Variants in MSL2 observed in about 807,000 individuals in gnomAD.
The protein encoded by MSL2 is MSL complex subunit 2.
Under a neutral mutation model 35.8 loss-of-function variants are expected in MSL2, and 2 were observed. The ratio of observed to expected loss-of-function variants is 0.06; its 90% CI spans 0.02 to 0.18. The LOEUF (loss-of-function observed/expected upper bound fraction) is 0.18. Ranked by LOEUF, MSL2 falls within the 10% of genes least tolerant of loss-of-function variation. The pLI, the probability that MSL2 is intolerant of heterozygous loss-of-function variation, is 1.00. For missense variants in MSL2, 523 were observed against 706.7 expected (o/e 0.74, Z 2.95); for synonymous variants, 296 against 255.7 (o/e 1.16, Z -1.50).
chr3:136,180,732 G>GAA (rs1453721327), intron 1 of MSL2, among the ~76,000 whole-genome samples: 12 of 131,980 alleles, frequency 9.1e-5, no homozygotes, highest in East Asian at 7.6e-4. Flanking sequence ...GAAAAGAAAA[G>GAA]AAGAGGAGGA....
At chr3:136,172,989 C>T (rs1940069491) in intron 1 of MSL2, among the ~76,000 whole-genome samples, 3 of 152,064 alleles carry the variant, frequency 2.0e-5, no homozygotes, top group Admixed American at 1.3e-4. Context: ...CATGGCGAAA[C>T]CCTACCTCTA....
chr3:136,170,698 A>G (rs750028269), intron 1 of MSL2, among the ~76,000 whole-genome samples: 10 of 151,442 alleles, frequency 6.6e-5, no homozygotes, highest in Non-Finnish European at 1.3e-4. Context: ...TAGTAGAGAC[A>G]TTCACTATGT....
chr3:136,194,890 G>GC, intron 1 of MSL2, 82 bp downstream of exon 1: 1 of 1,583,846 alleles, frequency 6.3e-7, no homozygotes, highest in Non-Finnish European at 8.6e-7. Flanking sequence ...CAACCACCAG[G>GC]CCGTCAACCC....
intron 1 of MSL2, chr3:136,156,137 C>A: frequency 5.5e-6 from 1 of 181,218 alleles, no homozygotes; most frequent in Non-Finnish European, 1.2e-5. Context: ...GTAATTCTAC[C>A]AAGGTCTTCT....
Position 136,195,020 on chromosome 3 carries a change from T to C in MSL2, c.94A>G (p.Asn32Asp). Residue 32 changes from asparagine to aspartate, a missense_variant, in exon 1 of 2, where the codon AAC becomes GAC. Physicochemically the swap from Asn to Asp is conservative, Grantham distance 23. Transcript: ENST00000309993. Reference protein sequence around the residue: ...PGDPKAFTEINRLLPYFRQSL... With the variant: ...PGDPKAFTEIDRLLPYFRQSL... ...TGTCGGAAGTAAGGCAAGAGCCTGT[T>C]AATCTCAGTAAACGCCTTGGGGTCT... 1 of 1,614,026 alleles carries C rather than the reference T, an allele frequency of 6.2e-7. No homozygotes were observed. The highest frequency in any genetic ancestry group is 8.5e-7 in the Non-Finnish European group (1 of 1,180,004).
chr3:136,191,152 T>C (rs980130556), intron 1 of MSL2, among the ~76,000 whole-genome samples: 11 of 152,154 alleles, frequency 7.2e-5, no homozygotes, highest in African/African-American at 2.4e-4. Context: ...ACTGAATCTG[T>C]AGACTTGTTC....
intron 1 of MSL2, among the ~76,000 whole-genome samples, chr3:136,186,247 T>C (rs1329709131): frequency 6.6e-6 from 1 of 152,216 alleles, no homozygotes; most frequent in Non-Finnish European, 1.5e-5. Flanking sequence ...AACACCATTG[T>C]ATAACTGTCC....
At chr3:136,163,675 A>G (rs1456256448) in intron 1 of MSL2, among the ~76,000 whole-genome samples, 1 of 152,222 alleles carries the variant, frequency 6.6e-6, no homozygotes, top group Non-Finnish European at 1.5e-5. Flanking sequence ...GTCCCCATCC[A>G]AATCTCATCT....
intron 1 of MSL2, among the ~76,000 whole-genome samples, chr3:136,191,467 C>CAA (rs11293553): frequency 4.9e-5 from 6 of 123,042 alleles, no homozygotes; most frequent in African/African-American, 1.2e-4. Flanking sequence ...GAATCCGTCT[C>CAA]AAAAAAAAAA....
At chr3:136,185,711 G>A (rs562954053) in intron 1 of MSL2, among the ~76,000 whole-genome samples, 1 of 151,962 alleles carries the variant, frequency 6.6e-6, no homozygotes, top group Non-Finnish European at 1.5e-5. Context: ...TCACCATGTT[G>A]GCCAGGCTGG....
At chr3:136,156,142 T>A (rs1183697149) in intron 1 of MSL2, 1 of 179,538 alleles carries the variant, frequency 5.6e-6, no homozygotes, top group Non-Finnish European at 1.2e-5. Context: ...TCTACCAAGG[T>A]CTTCTTAATA....
intron 1 of MSL2, among the ~76,000 whole-genome samples, chr3:136,167,010 T>C (rs968785076): frequency 2.0e-5 from 3 of 152,162 alleles, no homozygotes; most frequent in Non-Finnish European, 4.4e-5. Context: ...CACAAATACT[T>C]TGACCAGATT....
chr3:136,180,760 A>AGGGAG (rs1940318944), intron 1 of MSL2, among the ~76,000 whole-genome samples: 1 of 41,630 alleles, frequency 2.4e-5, no homozygotes, highest in Non-Finnish European at 4.6e-5. Flanking sequence ...GAAGGAGGGA[A>AGGGAG]GGAGGGAGGG....
intron 1 of MSL2, chr3:136,155,746 CG>C: frequency 3.8e-6 from 2 of 521,674 alleles, no homozygotes; most frequent in East Asian, 9.7e-5. Flanking sequence ...CTTCTACAGA[CG>C]GAATTGTGAG....
In MSL2 at chr3:136,186,189, A is replaced by AT. The variant is rs145476819; in HGVS notation, c.142+8782dup. On this transcript the variant is annotated intron_variant, in intron 1 of 1. Transcript: ENST00000309993. ...ACTAAGTGACCTTTTGACTCCTTCA[A>AT]TTTTTCCCATATGTCTGTGTCAAAC... Among the ~76,000 whole-genome samples, 299 of 152,034 alleles carry AT rather than the reference A, an allele frequency of 2.0e-3. 7 individuals are homozygous for AT. The East Asian group carries it at 0.048, about 24-fold the overall frequency.
At chr3:136,191,898 A>G (rs552158851) in intron 1 of MSL2, among the ~76,000 whole-genome samples, 3 of 152,358 alleles carry the variant, frequency 2.0e-5, no homozygotes, top group African/African-American at 4.8e-5. Flanking sequence ...CAGTAAGTAA[A>G]AGCCAAATTT....
chr3:136,166,398 T>G (rs1939854908), intron 1 of MSL2, among the ~76,000 whole-genome samples: 2 of 150,742 alleles, frequency 1.3e-5, no homozygotes, highest in Non-Finnish European at 3.0e-5. Flanking sequence ...AAAAAAAAAG[T>G]AAGTTTTAAG....
At chr3:136,174,549 T>TG (rs1181202357) in intron 1 of MSL2, among the ~76,000 whole-genome samples, 13 of 152,186 alleles carry the variant, frequency 8.5e-5, no homozygotes, top group Admixed American at 4.6e-4. Flanking sequence ...CTGGCAATAA[T>TG]GGATAGTGAC....
At chr3:136,177,925 G>T (rs1206562676) in intron 1 of MSL2, among the ~76,000 whole-genome samples, 1 of 152,260 alleles carries the variant, frequency 6.6e-6, no homozygotes, top group East Asian at 1.9e-4. Flanking sequence ...CTGAAAACCT[G>T]AACAGTTAAA....
Sources: gnomAD v4.1 joint callset for allele counts (sites outside exome capture counted in the v4.1 genomes callset) on GRCh38, gnomAD v4.1.1 for gene constraint, MANE v1.5 for transcripts, NCBI Gene and HGNC (gene_info 2026-07-23, HGNC 2026-07-21) for gene names.